The following SLC35F4 variants were observed in gnomAD, a reference collection of about 807,000 sequenced individuals.
SLC35F4 encodes solute carrier family 35 member F4, also known as chromosome 14 open reading frame 36.
In SLC35F4, 24 loss-of-function variants were observed where a neutral mutation model predicts 44.2. The observed-to-expected ratio is 0.54, with a 90% CI of 0.39 to 0.76. The LOEUF is 0.76. Ranked by LOEUF, SLC35F4 falls within the 30% of genes least tolerant of loss-of-function variation. The pLI, the probability that SLC35F4 is intolerant of heterozygous loss-of-function variation, is 0.00. For missense variants in SLC35F4, 562 were observed against 586.1 expected (o/e 0.96, Z 0.42); for synonymous variants, 238 against 223.6 (o/e 1.06, Z -0.57).
At chr14:57,913,171 T>C (rs1889249927) in intron 1 of SLC35F4, among the ~76,000 whole-genome samples, 1 of 152,080 alleles carries the variant, frequency 6.6e-6, no homozygotes, top group Admixed American at 6.5e-5. Flanking sequence ...ATTTAAAGTG[T>C]GTTTCTTGAA....
chr14:57,792,410 T>G (rs1469985029), intron 1 of SLC35F4, among the ~76,000 whole-genome samples: 2 of 152,284 alleles, frequency 1.3e-5, no homozygotes, highest in East Asian at 3.9e-4. Flanking sequence ...CACTACTGGG[T>G]ATCTACCCAG....
At chr14:57,773,222 G>C (rs1486694232) in intron 1 of SLC35F4, among the ~76,000 whole-genome samples, 1 of 152,080 alleles carries the variant, frequency 6.6e-6, no homozygotes, top group African/African-American at 2.4e-5. Flanking sequence ...GTTCCTTGTT[G>C]ATTCTGGACA....
intron 1 of SLC35F4, among the ~76,000 whole-genome samples, chr14:57,624,975 A>T (rs945839976): frequency 1.3e-5 from 2 of 152,202 alleles, no homozygotes; most frequent in African/African-American, 4.8e-5. Flanking sequence ...CAAGAGAAAG[A>T]AATAAATGGT....
chr14:57,748,414 T>C (rs1343431802), intron 1 of SLC35F4, among the ~76,000 whole-genome samples: 1 of 152,078 alleles, frequency 6.6e-6, no homozygotes, highest in Non-Finnish European at 1.5e-5. Context: ...ACTACCCTTT[T>C]ATAGCTACAG....
chr14:57,771,677 T>C (rs1396161596), intron 1 of SLC35F4, among the ~76,000 whole-genome samples: 1 of 152,238 alleles, frequency 6.6e-6, no homozygotes, highest in East Asian at 1.9e-4. Flanking sequence ...CACTGCAATC[T>C]CTGCCTTCTG....
At chr14:57,828,567 C>A (rs182131951) in intron 1 of SLC35F4, among the ~76,000 whole-genome samples, 89 of 152,262 alleles carry the variant, frequency 5.8e-4, no homozygotes, top group African/African-American at 2.0e-3. Context: ...TCTCCAGAAT[C>A]CTTTCAAATT....
At chr14:57,865,660 C>A (rs1595253399) in intron 1 of SLC35F4, 63 bp downstream of exon 1, 2 of 1,387,826 alleles carry the variant, frequency 1.4e-6, no homozygotes, top group Non-Finnish European at 1.9e-6. Flanking sequence ...CGCATCCCCG[C>A]GGCACCCCTG....
rs28778423 is a variant in SLC35F4 at position 57,720,761 on chromosome 14, G to A, written c.104-126637C>T. ...CTGGATGGGTACCATCTAATCAGCC[G>A]CCAGCATGGCTAGAATATAAAGCAG... On this transcript the variant is annotated intron_variant, in intron 1 of 7. Coordinates refer to ENST00000556826, the MANE Select transcript of SLC35F4 (RefSeq NM_001306087.2). 7.1e-3 allele frequency among the ~76,000 whole-genome samples: 1,082 copies of A among 151,968 alleles called. 19 individuals are homozygous for A. Among genetic ancestry groups the A allele is most frequent in the African/African-American group, 0.025 (1,033 of 41,448 alleles).
rs373297635 is a variant in SLC35F4 at position 57,745,798 on chromosome 14, G to A, written c.103+119925C>T. Among the ~76,000 whole-genome samples the A allele has an allele frequency of 5.6e-3, 846 of 152,170 alleles. 12 individuals carry two copies. The highest frequency in any genetic ancestry group is 0.019 in the African/African-American group (804 of 41,484). ...ACACACGCACCCATATGTTTATTGCGGCACTATTCACAATAGCAAAGACTT... is the reference window on the plus strand; with the variant it reads ...ACACACGCACCCATATGTTTATTGCAGCACTATTCACAATAGCAAAGACTT... On this transcript the variant is annotated intron_variant, in intron 1 of 7. Transcript: ENST00000556826.
intron 1 of SLC35F4, among the ~76,000 whole-genome samples, chr14:57,703,204 A>G (rs1037012674): frequency 1.1e-4 from 17 of 152,308 alleles, no homozygotes; most frequent in African/African-American, 3.8e-4. Flanking sequence ...ACAGACTGGT[A>G]GTGAGATAGA....
intron 1 of SLC35F4, among the ~76,000 whole-genome samples, chr14:57,594,346 C>G (rs569270612): frequency 6.6e-6 from 1 of 152,122 alleles, no homozygotes; most frequent in Admixed American, 6.5e-5. Context: ...TGTGCTACCA[C>G]ACCCAGCTAA....
chr14:57,931,768 C>T (rs1416783233), intron 1 of SLC35F4, among the ~76,000 whole-genome samples: 6 of 152,160 alleles, frequency 3.9e-5, no homozygotes, highest in African/African-American at 1.4e-4. Flanking sequence ...CACCCAAAGC[C>T]CTGCTCTGTC....
intron 1 of SLC35F4, among the ~76,000 whole-genome samples, chr14:57,643,185 C>G (rs182588673): frequency 6.6e-6 from 1 of 152,088 alleles, no homozygotes; most frequent in East Asian, 1.9e-4. Context: ...TATAGTAACA[C>G]TTACTAGAGC....
At chr14:57,781,064 A>G (rs528188829) in intron 1 of SLC35F4, among the ~76,000 whole-genome samples, 1 of 152,334 alleles carries the variant, frequency 6.6e-6, no homozygotes, top group Non-Finnish European at 1.5e-5. Context: ...AAAATTGACA[A>G]GTGGAATCTA....
chr14:57,689,195 C>G (rs1345323415), intron 1 of SLC35F4, among the ~76,000 whole-genome samples: 5 of 152,108 alleles, frequency 3.3e-5, no homozygotes, highest in Non-Finnish European at 7.4e-5. Context: ...ATATTGTTGA[C>G]CTCAGTTAAC....
intron 1 of SLC35F4, among the ~76,000 whole-genome samples, chr14:57,757,875 T>G (rs1254065277): frequency 6.6e-6 from 1 of 152,146 alleles, no homozygotes; most frequent in Non-Finnish European, 1.5e-5. Context: ...CTAGCATAAT[T>G]TTTCTTCTGT....
chr14:57,598,913 GTA>G (rs2070651628), intron 1 of SLC35F4, among the ~76,000 whole-genome samples: 1 of 141,732 alleles, frequency 7.1e-6, no homozygotes, highest in Non-Finnish European at 1.6e-5. Context: ...GTGTGTGTGT[GTA>G]TAGAAGGGGT....
At chr14:57,739,515 T>C (rs774923118) in intron 1 of SLC35F4, among the ~76,000 whole-genome samples, 14 of 152,178 alleles carry the variant, frequency 9.2e-5, no homozygotes, top group Non-Finnish European at 1.6e-4. Flanking sequence ...TAATATCAAA[T>C]GGGTGATTTT....
intron 1 of SLC35F4, among the ~76,000 whole-genome samples, chr14:57,743,200 G>T (rs9646157): frequency 0.18 from 27,641 of 152,090 alleles, 2,824 homozygotes; most frequent in South Asian, 0.27. Context: ...AAAGCTAGCA[G>T]AAGGCAAGAA....
Sources: allele counts gnomAD v4.1 joint callset (sites outside exome capture counted in the v4.1 genomes callset), GRCh38; gene constraint gnomAD v4.1.1; transcripts MANE v1.5; gene names NCBI Gene and HGNC (gene_info 2026-07-23, HGNC 2026-07-21).